Variants in VAV3 observed in about 807,000 individuals in gnomAD.
The protein encoded by VAV3 is guanine nucleotide exchange factor VAV3.
Under a neutral mutation model 131.2 loss-of-function variants are expected in VAV3, and 94 were observed. The observed-to-expected ratio is 0.72, with a 90% CI of 0.61 to 0.85. The LOEUF (loss-of-function observed/expected upper bound fraction) is 0.85. Ranked by LOEUF, VAV3 falls within the 40% of genes least tolerant of loss-of-function variation. The pLI, the probability that VAV3 is intolerant of heterozygous loss-of-function variation, is 0.00. For synonymous variants in VAV3, 349 were observed against 342.0 expected (o/e 1.02, Z -0.22); for missense variants, 939 against 1,002.7 (o/e 0.94, Z 0.86).
Position 107,953,838 on chromosome 1 carries a change from G to GT in VAV3, c.204+10827dup, listed in dbSNP as rs1355685672. 2.0e-5 allele frequency among the ~76,000 whole-genome samples: 3 copies of GT among 152,186 alleles called. No homozygotes were observed. In the East Asian group the frequency reaches 5.8e-4, roughly 29 times the overall value. ...AAACCATGGAAGGTGAGTATCAAGT[G>GT]TATCATTAAATATTCCATATTAATT... On this transcript the variant is annotated intron_variant, in intron 1 of 26. Transcript: ENST00000370056.
chr1:107,809,084 G>A (rs114937543), intron 2 of VAV3, among the ~76,000 whole-genome samples: 2,763 of 152,272 alleles, frequency 0.018, 32 homozygotes, highest in East Asian at 0.039. Context: ...TCATGCGTCT[G>A]CTCCTTAAGA....
At chr1:107,794,989 A>G (rs549776798) in intron 2 of VAV3, among the ~76,000 whole-genome samples, 1 of 152,284 alleles carries the variant, frequency 6.6e-6, no homozygotes, top group South Asian at 2.1e-4. Context: ...TTTCAGCTTA[A>G]CCTCAGATGA....
At chr1:107,573,964 T>C in intron 26 of VAV3, 83 bp downstream of exon 26, 1 of 1,559,082 alleles carries the variant, frequency 6.4e-7, no homozygotes, top group Non-Finnish European at 8.7e-7. Context: ...TATAGAGGCT[T>C]CTCCCTGGTG....
At chr1:107,641,759 A>G (rs1202105927) in intron 20 of VAV3, among the ~76,000 whole-genome samples, 1 of 152,128 alleles carries the variant, frequency 6.6e-6, no homozygotes, top group African/African-American at 2.4e-5. Flanking sequence ...GTGAACTGTT[A>G]ATATATTAAA....
chr1:107,669,111 T>A, intron 19 of VAV3: 1 of 1,093,110 alleles, frequency 9.1e-7, no homozygotes, highest in Non-Finnish European at 1.1e-6. Context: ...CGGTGTTCTT[T>A]AAAATTGAAG....
chr1:107,691,389 T>C (rs1659416339), intron 17 of VAV3, among the ~76,000 whole-genome samples: 1 of 152,132 alleles, frequency 6.6e-6, no homozygotes, highest in Admixed American at 6.6e-5. Flanking sequence ...ACTACTATGG[T>C]GGGCACTTGG....
intron 2 of VAV3, among the ~76,000 whole-genome samples, chr1:107,793,291 C>G (rs191023524): frequency 6.6e-6 from 1 of 152,150 alleles, no homozygotes. Context: ...ACCACAAAAA[C>G]CAAAACAGCC....
chr1:107,817,419 T>C (rs1570993955), intron 2 of VAV3, among the ~76,000 whole-genome samples: 2 of 152,014 alleles, frequency 1.3e-5, no homozygotes, highest in South Asian at 4.2e-4. Flanking sequence ...TTGGAAAAGA[T>C]AAGACATGAA....
intron 2 of VAV3, among the ~76,000 whole-genome samples, chr1:107,790,993 C>A (rs1250209295): frequency 6.6e-6 from 1 of 152,052 alleles, no homozygotes; most frequent in Non-Finnish European, 1.5e-5. Context: ...GCCCCTTCCA[C>A]TTATTTCTAA....
intron 2 of VAV3, among the ~76,000 whole-genome samples, chr1:107,779,984 T>G (rs758517646): frequency 5.9e-5 from 9 of 152,312 alleles, no homozygotes; most frequent in Non-Finnish European, 1.3e-4. Context: ...ACTACACAGT[T>G]ATCAAAAAAT....
chr1:107,699,402 C>T (rs578235701), intron 17 of VAV3, among the ~76,000 whole-genome samples: 137 of 152,380 alleles, frequency 9.0e-4, no homozygotes, highest in Middle Eastern at 6.8e-3. Context: ...GGCAGCTCTG[C>T]CCCTATGGCG....
intron 1 of VAV3, among the ~76,000 whole-genome samples, chr1:107,944,323 T>C (rs1352783596): frequency 6.6e-6 from 1 of 152,162 alleles, no homozygotes; most frequent in Non-Finnish European, 1.5e-5. Context: ...GTAAAACCAC[T>C]GCCATCTTTG....
At chr1:107,618,032 T>C (rs567130305) in intron 20 of VAV3, among the ~76,000 whole-genome samples, 37 of 152,210 alleles carry the variant, frequency 2.4e-4, no homozygotes, top group Admixed American at 1.2e-3. Flanking sequence ...GGCATTAGAC[T>C]CTCATAAAGG....
chr1:107,612,080 T>C (rs1481427362), intron 21 of VAV3, among the ~76,000 whole-genome samples: 1 of 151,982 alleles, frequency 6.6e-6, no homozygotes, highest in African/African-American at 2.4e-5. Context: ...GCTATGAACA[T>C]GTAGTTTTTA....
chr1:107,579,910 C>T (rs1167706919), intron 25 of VAV3, among the ~76,000 whole-genome samples: 4 of 152,186 alleles, frequency 2.6e-5, no homozygotes, highest in Non-Finnish European at 4.4e-5. Flanking sequence ...TGGAATGCTG[C>T]TCCTTCCCCG....
intron 26 of VAV3, among the ~76,000 whole-genome samples, chr1:107,573,718 T>A (rs1196118571): frequency 6.6e-6 from 1 of 152,212 alleles, no homozygotes; most frequent in Non-Finnish European, 1.5e-5. Flanking sequence ...CATCAGCAGT[T>A]CTTATAGATA....
chr1:107,744,128 G>A (rs1438285701), intron 15 of VAV3, among the ~76,000 whole-genome samples: 1 of 152,166 alleles, frequency 6.6e-6, no homozygotes, highest in Non-Finnish European at 1.5e-5. Context: ...TGACCAACAG[G>A]ATAGTGCATC....
chr1:107,694,824 G>A (rs1215269231), intron 17 of VAV3, among the ~76,000 whole-genome samples: 1 of 152,122 alleles, frequency 6.6e-6, no homozygotes, highest in African/African-American at 2.4e-5. Flanking sequence ...ACACCAATTA[G>A]GTATGGTTCC....
intron 25 of VAV3, among the ~76,000 whole-genome samples, chr1:107,579,014 G>C (rs1649846839): frequency 6.6e-6 from 1 of 152,148 alleles, no homozygotes; most frequent in African/African-American, 2.4e-5. Context: ...ATTCCTGAAG[G>C]AATAAGGGTA....
Sources: allele counts gnomAD v4.1 joint callset (sites outside exome capture counted in the v4.1 genomes callset), GRCh38; gene constraint gnomAD v4.1.1; transcripts MANE v1.5; gene names NCBI Gene and HGNC (gene_info 2026-07-23, HGNC 2026-07-21).